Variants in DGKH observed in about 807,000 individuals in gnomAD.
The protein encoded by DGKH is diacylglycerol kinase eta, also known as DAG kinase eta.
In DGKH, 90 loss-of-function variants were observed where a neutral mutation model predicts 159.3. That is an observed-to-expected ratio of 0.57 (90% CI 0.48 to 0.67). DGKH has a LOEUF of 0.67. DGKH is among the 30% of genes least tolerant of loss of function. The pLI is 0.00. For missense variants in DGKH, 1,181 were observed against 1,506.1 expected, an observed-to-expected ratio of 0.78 and a Z score of 3.57; for synonymous variants, 536 against 553.8, an observed-to-expected ratio of 0.97 and a Z score of 0.45.
intron 3 of DGKH, among the ~76,000 whole-genome samples, chr13:42,130,606 C>T (rs1411317045): frequency 6.6e-6 from 1 of 152,122 alleles, no homozygotes; most frequent in African/African-American, 2.4e-5. Flanking sequence ...GGAAAGCTAC[C>T]ACTCCTGACA....
rs77108515 is a variant in DGKH, at chr13:42,041,674, G to A, written c.-13+1548G>A. 2.6e-3 allele frequency among the ~76,000 whole-genome samples: 393 copies of A among 152,220 alleles called. 1 individual carries two copies. The highest frequency in any genetic ancestry group is 0.01 in the Middle Eastern group (3 of 294). On this transcript the variant is annotated intron_variant, in intron 1 of 29. Coordinates refer to the DGKH transcript ENST00000379274. ...AACAGAACCGTCTCACATCCCTCCA[G>A]GGATTCCACCCCGGAATCCCCCTCT...
chr13:42,143,055 C>A (rs967998747), intron 3 of DGKH, among the ~76,000 whole-genome samples: 1 of 151,998 alleles, frequency 6.6e-6, no homozygotes, highest in African/African-American at 2.4e-5. Context: ...GCTCTTATTA[C>A]TTTGAGATAC....
chr13:42,135,507 A>AAAAAAAAAAAAAAAAG (rs71096557), intron 3 of DGKH, among the ~76,000 whole-genome samples: 4,578 of 112,292 alleles, frequency 0.041, 400 homozygotes, highest in Non-Finnish European at 0.062. Context: ...AAAAAAAAAA[A>AAAAAAAAAAAAAAAAG]AGAGAGAGAG....
At chr13:42,217,585 C>A (rs1957832780) in intron 26 of DGKH, among the ~76,000 whole-genome samples, 1 of 149,122 alleles carries the variant, frequency 6.7e-6, no homozygotes, top group Non-Finnish European at 1.5e-5. Context: ...GTGGTAGATA[C>A]TGTGAATAAC....
intron 9 of DGKH, among the ~76,000 whole-genome samples, chr13:42,167,059 A>T (rs747608461): frequency 6.6e-6 from 1 of 152,062 alleles, no homozygotes; most frequent in Non-Finnish European, 1.5e-5. Context: ...AAGTACAGGG[A>T]CTCTCATGGC....
chr13:42,124,767 C>T (rs1360973642), intron 1 of DGKH, among the ~76,000 whole-genome samples: 4 of 152,116 alleles, frequency 2.6e-5, no homozygotes, highest in African/African-American at 4.8e-5. Context: ...AAAACAAAGG[C>T]GGAGGAGGGA....
chr13:42,243,845 C>T (rs373227989), downstream of DGKH, among the ~76,000 whole-genome samples: 2 of 152,050 alleles, frequency 1.3e-5, no homozygotes, highest in Non-Finnish European at 2.9e-5. Context: ...CGGTTTGAGC[C>T]CTGGCCAAAT....
intron 17 of DGKH, among the ~76,000 whole-genome samples, chr13:42,197,252 C>CAAAA (rs71703387): frequency 4.8e-4 from 41 of 85,968 alleles, no homozygotes; most frequent in Non-Finnish European, 6.4e-4. Flanking sequence ...TCTATCTCAA[C>CAAAA]AAAAAAAAAA....
Position 42,211,773 on chromosome 13 carries a change from G to T in DGKH, c.3014+1008G>T, listed in dbSNP as rs890934514. 3.9e-5 allele frequency among the ~76,000 whole-genome samples: 6 copies of T among 152,268 alleles called. No homozygotes were observed. The South Asian group carries it at 1.2e-3, about 32-fold the overall frequency. ...CTGGGGAGGCCTCACAATCATGGCA[G>T]CAGGCAAAGGAGGAGCAAAGGCACG... On this transcript the variant is annotated intron_variant, in intron 24 of 29. Transcript: ENST00000337343.
chr13:42,114,861 C>G (rs1954935407), intron 1 of DGKH, among the ~76,000 whole-genome samples: 1 of 152,156 alleles, frequency 6.6e-6, no homozygotes, highest in South Asian at 2.1e-4. Flanking sequence ...TCTTTATGTA[C>G]TTTGTATCAG....
rs2138250164 is a variant in DGKH, at chr13:42,221,355, AG to A, written c.3538del (p.Ala1180LeufsTer22). 1 of 1,613,760 alleles carries A rather than the reference AG, an allele frequency of 6.2e-7. No individual in the cohort carries two copies. The highest frequency in any genetic ancestry group is 1.3e-5 in the African/African-American group (1 of 75,016). ...ATATCTTCATCCGTCATGACATCAG[AG>A]GGGCTGAACTTTTGCATCTGGAAAG... ...KDIFIRHDIR[G>X]AELLHLERRD... is the part of the protein sequence containing the mutation. On this transcript the variant is annotated frameshift_variant, in exon 29 of 30. Coordinates refer to ENST00000337343, the MANE Select transcript of DGKH (RefSeq NM_178009.5). LOFTEE classifies it high-confidence loss of function.
chr13:42,176,853 G>T (rs969670040), intron 12 of DGKH, among the ~76,000 whole-genome samples: 7 of 152,112 alleles, frequency 4.6e-5, no homozygotes, highest in African/African-American at 1.2e-4. Context: ...TTGATGTAAG[G>T]CTCTGAATAT....
Position 42,113,631 on chromosome 13 carries a change from G to A in DGKH, c.193-13832G>A, listed in dbSNP as rs1022422310. 3.9e-5 allele frequency among the ~76,000 whole-genome samples: 6 copies of A among 152,302 alleles called. No individual in the cohort carries two copies. In the East Asian group the frequency reaches 5.8e-4, roughly 15 times the overall value. On this transcript the variant is annotated intron_variant, in intron 1 of 29. Coordinates refer to ENST00000337343, the MANE Select transcript of DGKH (RefSeq NM_178009.5). The stretch of plus-strand genomic sequence containing the variant: ...GATGGGAAAGTTTGGAGGCTGATAC[G>A]AAAGCCAGGCTTGAAGCAGTTTCAC...
intron 13 of DGKH, among the ~76,000 whole-genome samples, chr13:42,180,868 T>C (rs1956734066): frequency 6.6e-6 from 1 of 152,196 alleles, no homozygotes; most frequent in Non-Finnish European, 1.5e-5. Context: ...TGGAAGAAAA[T>C]CACTTTATTC....
intron 1 of DGKH, among the ~76,000 whole-genome samples, chr13:42,053,489 T>A (rs1445316675): frequency 6.9e-6 from 1 of 145,580 alleles, no homozygotes; most frequent in Non-Finnish European, 1.5e-5. Flanking sequence ...ACTATATAAC[T>A]ATATGTATAG....
intron 3 of DGKH, among the ~76,000 whole-genome samples, chr13:42,148,124 G>A (rs1955784169): frequency 6.6e-6 from 1 of 152,150 alleles, no homozygotes; most frequent in Non-Finnish European, 1.5e-5. Context: ...GGCTAGGGAG[G>A]AAGGCAGATA....
intron 7 of DGKH, among the ~76,000 whole-genome samples, chr13:42,161,652 C>T (rs1351663019): frequency 3.3e-5 from 5 of 151,966 alleles, no homozygotes; most frequent in Middle Eastern, 3.4e-3. Flanking sequence ...TGGTGGTGGG[C>T]GCCTGTAATC....
intron 1 of DGKH, among the ~76,000 whole-genome samples, chr13:42,113,400 G>A (rs1172390649): frequency 2.0e-5 from 3 of 152,180 alleles, no homozygotes; most frequent in Non-Finnish European, 2.9e-5. Context: ...GTGCATTAAT[G>A]TTTATAAAGG....
intron 1 of DGKH, among the ~76,000 whole-genome samples, chr13:42,040,617 C>T (rs1880429891): frequency 6.7e-6 from 1 of 150,242 alleles, no homozygotes. Context: ...GGGAGCGGAC[C>T]GCTCGGAGCC....
Sources: gnomAD v4.1 joint callset for allele counts (sites outside exome capture counted in the v4.1 genomes callset) on GRCh38, gnomAD v4.1.1 for gene constraint, MANE v1.5 for transcripts, NCBI Gene and HGNC (gene_info 2026-07-23, HGNC 2026-07-21) for gene names.